Variants in PVT1 observed in about 807,000 individuals in gnomAD.
The protein encoded by PVT1 is Pvt1 oncogene.
chr8:128,089,881 C>T (rs1012816048), intron 5 of PVT1, among the ~76,000 whole-genome samples: 9 of 152,188 alleles, frequency 5.9e-5, no homozygotes, highest in Non-Finnish European at 4.4e-5. Flanking sequence ...CATGTGAGTT[C>T]GCTAGGGCCT....
chr8:127,999,439 C>G (rs1817149200), intron 4 of PVT1: 1 of 151,996 alleles, frequency 6.6e-6, no homozygotes, highest in Non-Finnish European at 1.5e-5. Flanking sequence ...CTGTCTCCAA[C>G]TCTAATTCAT....
chr8:127,885,866 G>T (rs868840751), intron 2 of PVT1, among the ~76,000 whole-genome samples: 1 of 152,110 alleles, frequency 6.6e-6, no homozygotes, highest in Non-Finnish European at 1.5e-5. Flanking sequence ...TCTCTTAGGG[G>T]CTGTTTAGAT....
chr8:128,099,938 A>C (rs983972229), intron 6 of PVT1: 2 of 152,114 alleles, frequency 1.3e-5, no homozygotes, highest in Non-Finnish European at 2.9e-5. Context: ...TTACGTTATA[A>C]GTGTCTTAAG....
chr8:128,077,598 C>T (rs932615326), intron 5 of PVT1, among the ~76,000 whole-genome samples: 4 of 152,156 alleles, frequency 2.6e-5, no homozygotes, highest in Non-Finnish European at 4.4e-5. Flanking sequence ...GGCAGTACCA[C>T]GAATAGAGAA....
At chr8:128,048,543 T>G (rs1202170635) in intron 4 of PVT1, 1 of 152,230 alleles carries the variant, frequency 6.6e-6, no homozygotes, top group African/African-American at 2.4e-5. Flanking sequence ...CAGATCTGAC[T>G]TCGCTGATTA....
intron 2 of PVT1, among the ~76,000 whole-genome samples, chr8:127,864,299 G>A (rs1280929304): frequency 3.3e-5 from 5 of 151,728 alleles, no homozygotes; most frequent in Non-Finnish European, 7.4e-5. Context: ...TGGAACTGGG[G>A]CCCTGCCAGT....
At chr8:127,973,535 C>A (rs964104421) in intron 3 of PVT1, among the ~76,000 whole-genome samples, 1 of 152,036 alleles carries the variant, frequency 6.6e-6, no homozygotes, top group Non-Finnish European at 1.5e-5. Context: ...GCCTTGGCCA[C>A]CCCTGCTTGG....
chr8:127,945,354 G>T (rs868544991), intron 3 of PVT1, among the ~76,000 whole-genome samples: 1 of 152,054 alleles, frequency 6.6e-6, no homozygotes, highest in South Asian at 2.1e-4. Flanking sequence ...CATAAGACGC[G>T]ATCACATTGC....
At chr8:128,031,563 TAG>T (rs1218905285) in intron 4 of PVT1, among the ~76,000 whole-genome samples, 1 of 152,158 alleles carries the variant, frequency 6.6e-6, no homozygotes, top group Non-Finnish European at 1.5e-5. Context: ...TCCAAACTCT[TAG>T]AGTTTTTGTG....
At chr8:128,019,920 A>T (rs548971647) in intron 4 of PVT1, among the ~76,000 whole-genome samples, 1 of 152,174 alleles carries the variant, frequency 6.6e-6, no homozygotes, top group African/African-American at 2.4e-5. Flanking sequence ...TGTTCTTCCA[A>T]TGACCTGTAG....
intron 4 of PVT1, among the ~76,000 whole-genome samples, chr8:128,049,947 G>C (rs377048578): frequency 1.3e-5 from 2 of 152,260 alleles, no homozygotes; most frequent in East Asian, 3.9e-4. Flanking sequence ...CTGAGGGACT[G>C]TCTGAGCCCA....
intron 3 of PVT1, among the ~76,000 whole-genome samples, chr8:127,937,580 C>CAGAGAGAGAGAGAGAGAG (rs1554598547): frequency 1.2e-4 from 13 of 107,794 alleles, no homozygotes; most frequent in African/African-American, 4.5e-4. Context: ...CACACACACA[C>CAGAGAGAGAGAGAGAGAG]AGAGAGAGAG....
intron 2 of PVT1, chr8:127,855,390 A>G: frequency 2.5e-6 from 1 of 393,884 alleles, no homozygotes; most frequent in Non-Finnish European, 4.5e-6. Context: ...GCTGACCCCA[A>G]GGGGAAACCC....
chr8:127,912,518 G>C (rs1430354834), intron 3 of PVT1, among the ~76,000 whole-genome samples: 2 of 152,178 alleles, frequency 1.3e-5, no homozygotes, highest in African/African-American at 4.8e-5. Flanking sequence ...AAGGGCAGCA[G>C]CCTCCTGTGA....
At chr8:127,797,105 C>G (rs1814405355) in intron 2 of PVT1, among the ~76,000 whole-genome samples, 1 of 151,512 alleles carries the variant, frequency 6.6e-6, no homozygotes, top group Admixed American at 6.6e-5. Flanking sequence ...CTTGAACTCC[C>G]AGCCTCAGGT....
At chr8:128,054,785 A>C (rs919462545) in intron 4 of PVT1, among the ~76,000 whole-genome samples, 2 of 152,218 alleles carry the variant, frequency 1.3e-5, no homozygotes, top group African/African-American at 4.8e-5. Context: ...GAGTGAGAGA[A>C]ATGCCATGTG....
intron 4 of PVT1, among the ~76,000 whole-genome samples, chr8:128,053,819 C>T (rs1442273241): frequency 1.3e-5 from 2 of 152,222 alleles, no homozygotes; most frequent in African/African-American, 4.8e-5. Flanking sequence ...GGCTGAGCAA[C>T]CAGAAGGGTT....
chr8:127,850,605 G>T (rs1026256783), intron 2 of PVT1, among the ~76,000 whole-genome samples: 2 of 152,198 alleles, frequency 1.3e-5, no homozygotes, highest in African/African-American at 4.8e-5. Context: ...GACATAATTG[G>T]TGTCTGCACA....
At chr8:127,821,376 AAG>A (rs1173281787) in intron 2 of PVT1, among the ~76,000 whole-genome samples, 6 of 152,242 alleles carry the variant, frequency 3.9e-5, no homozygotes, top group Admixed American at 1.3e-4. Flanking sequence ...GTTTAAAAAA[AAG>A]AAAAAATTCA....
Sources: allele counts gnomAD v4.1 joint callset (sites outside exome capture counted in the v4.1 genomes callset), GRCh38; gene constraint gnomAD v4.1.1; transcripts MANE v1.5; gene names NCBI Gene and HGNC (gene_info 2026-07-23, HGNC 2026-07-21).